The following PPP5C variants were observed in gnomAD, a reference collection of about 807,000 sequenced individuals.
PPP5C encodes serine/threonine-protein phosphatase 5.
PPP5C carries 21 observed loss-of-function variants against 66.7 expected under a neutral mutation model. The observed-to-expected ratio is 0.31, with a 90% CI of 0.22 to 0.45. PPP5C has a LOEUF of 0.45. Ranked by LOEUF, PPP5C falls within the 20% of genes least tolerant of loss-of-function variation. PPP5C has a pLI of 1.00. For missense variants in PPP5C, 464 were observed against 675.9 expected (o/e 0.69, Z 3.48); for synonymous variants, 246 against 257.4 (o/e 0.96, Z 0.43).
At chr19:46,356,594 C>G (rs1206801754) in intron 2 of PPP5C, among the ~76,000 whole-genome samples, 1 of 152,184 alleles carries the variant, frequency 6.6e-6, no homozygotes, top group Non-Finnish European at 1.5e-5. Flanking sequence ...GGAGATGTCC[C>G]TCCTCCAAGG....
At chr19:46,351,675 A>G (rs759301) in intron 1 of PPP5C, among the ~76,000 whole-genome samples, 148,414 of 152,364 alleles carry the variant, frequency 0.97, 72,315 homozygotes, top group East Asian at 1. Context: ...AGGAGTCCTC[A>G]AAGGCGCTGG....
At chr19:46,359,497 A>G (rs1033943866) in intron 2 of PPP5C, among the ~76,000 whole-genome samples, 2 of 152,196 alleles carry the variant, frequency 1.3e-5, no homozygotes, top group African/African-American at 4.8e-5. Flanking sequence ...ACTGTAGCCA[A>G]GATAGAATTC....
At chr19:46,389,020 C>T (rs992504826) in intron 11 of PPP5C, among the ~76,000 whole-genome samples, 5 of 151,822 alleles carry the variant, frequency 3.3e-5, no homozygotes, top group African/African-American at 1.2e-4. Flanking sequence ...ACCACAATAT[C>T]GTGTTTACAC....
Position 46,390,876 on chromosome 19 carries a change from G to A in PPP5C, c.*530G>A, listed in dbSNP as rs781169094. 1 of 1,141,848 alleles carries A rather than the reference G, an allele frequency of 8.8e-7. No homozygotes were observed. The highest frequency in any genetic ancestry group is 1.1e-6 in the Non-Finnish European group (1 of 914,588). The allele number at this position is 1,141,848 out of a possible 1,614,324, so 70.7% of individuals were successfully genotyped here. On this transcript the variant is annotated 3_prime_UTR_variant, in exon 13 of 13. Transcript: ENST00000012443. ...CAGCTTGTCTCTGGATGGTGGAGCC[G>A]AAGGAGCTGCCCGGGTTGGGTTACG...
intron 7 of PPP5C, 172 bp downstream of exon 7, chr19:46,385,081 G>A: frequency 3.4e-6 from 2 of 587,980 alleles, no homozygotes; most frequent in Non-Finnish European, 6.1e-6. Context: ...CACACCAAAG[G>A]ACGCGTTTAC....
At chr19:46,368,663 C>T (rs1187753635) in intron 2 of PPP5C, among the ~76,000 whole-genome samples, 4 of 152,120 alleles carry the variant, frequency 2.6e-5, no homozygotes, top group Non-Finnish European at 5.9e-5. Context: ...GTACCCGTCA[C>T]CCGAGTACTG....
chr19:46,355,429 A>G (rs1017869251), intron 2 of PPP5C, among the ~76,000 whole-genome samples: 4 of 151,926 alleles, frequency 2.6e-5, no homozygotes, highest in Non-Finnish European at 4.4e-5. Flanking sequence ...CAGTCGGTGG[A>G]GCCAGCTCAG....
At chr19:46,378,191 G>A (rs1200504778) in intron 4 of PPP5C, among the ~76,000 whole-genome samples, 1 of 152,030 alleles carries the variant, frequency 6.6e-6, no homozygotes, top group Non-Finnish European at 1.5e-5. Context: ...ATTTTAATAC[G>A]TCGTATTTTC....
intron 1 of PPP5C, among the ~76,000 whole-genome samples, chr19:46,351,909 A>C (rs1254620156): frequency 6.6e-6 from 1 of 152,228 alleles, no homozygotes; most frequent in African/African-American, 2.4e-5. Context: ...GGCTTCCCGG[A>C]GGAGGGGACA....
At chr19:46,358,068 T>C (rs548565259) in intron 2 of PPP5C, among the ~76,000 whole-genome samples, 44 of 152,208 alleles carry the variant, frequency 2.9e-4, no homozygotes, top group African/African-American at 9.9e-4. Flanking sequence ...TAGCCATTAG[T>C]CAACACATGA....
chr19:46,385,469 C>T (rs1162900241), intron 7 of PPP5C, among the ~76,000 whole-genome samples: 1 of 152,124 alleles, frequency 6.6e-6, no homozygotes, highest in African/African-American at 2.4e-5. Flanking sequence ...CACAGTGAGA[C>T]TTTGTCTCCA....
chr19:46,388,861 C>T lies in PPP5C; in HGVS notation c.1355+130C>T, dbSNP rs3815505. The T allele has an allele frequency of 3.5e-6, 4 of 1,148,096 alleles. No individual in the cohort carries two copies. The highest frequency in any genetic ancestry group is 2.4e-6 in the Non-Finnish European group (2 of 816,752). 71.1% of individuals were successfully genotyped at this position (1,148,096 alleles called of 1,614,324 possible). A position where few individuals can be genotyped will look rare whatever the true frequency, so the allele number is the denominator to read the frequency against. ...GCAGATAAAAGAACATGACGAACAC[C>T]CCCGTATGTGTCACCCACCCATGCA... is the stretch of plus-strand genomic sequence containing the variant. On this transcript the variant is annotated intron_variant, in intron 11 of 12. Transcript: ENST00000012443. The surrounding 1 kb of genome is among the most constrained non-coding windows in gnomAD (Gnocchi z 4.9).
Position 46,383,919 on chromosome 19 carries a change from C to A in PPP5C, c.798+41C>A. 1 of 1,498,098 alleles carries A rather than the reference C, an allele frequency of 6.7e-7. No individual in the cohort carries two copies. The highest frequency in any genetic ancestry group is 9.3e-7 in the Non-Finnish European group (1 of 1,075,244). The allele number at this position is 1,498,098 out of a possible 1,614,324, so 92.8% of individuals were successfully genotyped here. A position where few individuals can be genotyped will look rare whatever the true frequency, so the allele number is the denominator to read the frequency against. The stretch of plus-strand genomic sequence containing the variant: ...GAGCCACCCTCTCCCCACCTCCACC[C>A]CCAGCCGCAGCCTCAGGTCTGCACA... On this transcript the variant is annotated intron_variant, in intron 6 of 12. Coordinates refer to ENST00000012443, the MANE Select transcript of PPP5C (RefSeq NM_006247.4). This position sits in a 1 kb window ranked among gnomAD's most constrained non-coding sequence, Gnocchi z 5.0.
intron 4 of PPP5C, among the ~76,000 whole-genome samples, chr19:46,381,048 T>A (rs1027857077): frequency 3.3e-5 from 5 of 152,256 alleles, no homozygotes; most frequent in South Asian, 4.1e-4. Flanking sequence ...TGAATTTTTT[T>A]AATTCTTTTC....
chr19:46,367,533 G>A (rs945914059), intron 2 of PPP5C, among the ~76,000 whole-genome samples: 1 of 152,146 alleles, frequency 6.6e-6, no homozygotes, highest in Non-Finnish European at 1.5e-5. Flanking sequence ...TAGGGAAATT[G>A]TAATGCTTGA....
At chr19:46,357,986 C>G (rs1416060595) in intron 2 of PPP5C, among the ~76,000 whole-genome samples, 1 of 152,186 alleles carries the variant, frequency 6.6e-6, no homozygotes, top group Non-Finnish European at 1.5e-5. Flanking sequence ...GGGGCTGAAA[C>G]ATTCCAACCT....
intron 1 of PPP5C, among the ~76,000 whole-genome samples, chr19:46,348,388 A>G (rs896467503): frequency 5.6e-5 from 8 of 143,674 alleles, no homozygotes; most frequent in African/African-American, 2.1e-4. Flanking sequence ...ATCTCGGCTC[A>G]CTGCAACCTC....
intron 2 of PPP5C, among the ~76,000 whole-genome samples, chr19:46,361,582 T>C (rs904324555): frequency 4.8e-5 from 4 of 83,520 alleles, no homozygotes; most frequent in African/African-American, 9.1e-5. Flanking sequence ...CTGTCTCTAC[T>C]AAAAATTAAA....
chr19:46,357,726 A>C (rs1461261464), intron 2 of PPP5C, among the ~76,000 whole-genome samples: 1 of 152,162 alleles, frequency 6.6e-6, no homozygotes, highest in Non-Finnish European at 1.5e-5. Flanking sequence ...GCTTATTATA[A>C]AGGCTGCTAC....
Sources: gnomAD v4.1 joint callset for allele counts (sites outside exome capture counted in the v4.1 genomes callset) on GRCh38, gnomAD v4.1.1 for gene constraint, Gnocchi (gnomAD v3.1) non-coding constraint, MANE v1.5 for transcripts, NCBI Gene and HGNC (gene_info 2026-07-23, HGNC 2026-07-21) for gene names.